The following NOCT variants were observed in gnomAD, a reference collection of about 807,000 sequenced individuals.
The protein encoded by NOCT is nocturnin.
In NOCT, 18 loss-of-function variants were observed where a neutral mutation model predicts 35.0. That is an observed-to-expected ratio of 0.51 (90% confidence interval 0.36 to 0.76). NOCT has a LOEUF of 0.76. Ranked by LOEUF, NOCT falls within the 30% of genes least tolerant of loss-of-function variation. The pLI is 0.01. For missense variants in NOCT, 479 were observed against 541.0 expected (o/e 0.89, Z 1.14); for synonymous variants, 235 against 226.3 (o/e 1.04, Z -0.34).
chr4:139,042,087 T>TTG, intron 1 of NOCT, among the ~76,000 whole-genome samples: 1 of 149,420 alleles, frequency 6.7e-6, no homozygotes, highest in South Asian at 2.2e-4. Flanking sequence ...TTTTTTTTTT[T>TTG]TTTTGAGTCT....
chr4:139,041,769 TA>T (rs1169079463), intron 1 of NOCT, among the ~76,000 whole-genome samples: 3 of 152,218 alleles, frequency 2.0e-5, no homozygotes, highest in African/African-American at 7.2e-5. Context: ...CAGCTTACTC[TA>T]AGCCCTTCTG....
intron 1 of NOCT, among the ~76,000 whole-genome samples, chr4:139,030,914 G>A (rs900444409): frequency 4.6e-5 from 7 of 152,170 alleles, no homozygotes; most frequent in East Asian, 1.9e-4. Context: ...TTCCTCGGGC[G>A]GAGGTTGATC....
intron 1 of NOCT, among the ~76,000 whole-genome samples, chr4:139,021,070 CA>C (rs942925444): frequency 0.039 from 2,187 of 55,650 alleles, 20 homozygotes; most frequent in African/African-American, 0.096. Flanking sequence ...TACTCTGTCT[CA>C]AAAAAAAAAA....
chr4:139,034,425 T>A (rs887336781), intron 1 of NOCT, among the ~76,000 whole-genome samples: 2 of 152,268 alleles, frequency 1.3e-5, no homozygotes. Context: ...GTTTACAAAT[T>A]TAAATAAATA....
At chr4:139,017,297 G>A (rs189911269) in intron 1 of NOCT, among the ~76,000 whole-genome samples, 2,392 of 141,180 alleles carry the variant, frequency 0.017, 68 homozygotes, top group East Asian at 0.11. Context: ...GCGCGATCTC[G>A]GCTCACCGCA....
At position 139,045,291 on chromosome 4, in the gene NOCT, G is replaced by A. The variant is rs150993247; in HGVS notation, c.1113G>A (p.Glu371=). The change falls in exon 3 of 3, where the codon GAG becomes GAA. Residue 371 remains glutamate (E), a synonymous_variant. Transcript: ENST00000280614. ...YTTWKIRTSG[E]CRHTLDYIWY... The stretch of plus-strand genomic sequence containing the variant: ...CCTGGAAGATCCGGACCTCAGGGGA[G>A]TGCAGGCACACCCTGGATTACATCT... 200 of 1,614,120 alleles carry A rather than the reference G, an allele frequency of 1.2e-4. No homozygotes were observed. In the African/African-American group the frequency reaches 1.9e-3, roughly 16 times the overall value.
At chr4:139,018,996 G>T (rs1302408638) in intron 1 of NOCT, among the ~76,000 whole-genome samples, 1 of 152,202 alleles carries the variant, frequency 6.6e-6, no homozygotes, top group Non-Finnish European at 1.5e-5. Flanking sequence ...TTGCAAAAAT[G>T]GACATTGTTT....
At chr4:139,021,819 C>T (rs1256807242) in intron 1 of NOCT, among the ~76,000 whole-genome samples, 1 of 149,352 alleles carries the variant, frequency 6.7e-6, no homozygotes, top group South Asian at 2.1e-4. Flanking sequence ...AGTGCAGTGG[C>T]GCAATCTTGG....
chr4:139,025,633 T>C (rs1042566126), intron 1 of NOCT, among the ~76,000 whole-genome samples: 1 of 152,098 alleles, frequency 6.6e-6, no homozygotes, highest in Non-Finnish European at 1.5e-5. Flanking sequence ...AAACCCTGTC[T>C]CTACTAAAAA....
chr4:139,016,641 GTTTTTTTTTTTTTTTTTT>G (rs10541748), intron 1 of NOCT, among the ~76,000 whole-genome samples: 1 of 53,788 alleles, frequency 1.9e-5, no homozygotes, highest in Non-Finnish European at 3.2e-5. Context: ...GTTTTACGTT[GTTTTTTTTTTTTTTTTTT>G]TTTTTTTTTT....
intron 1 of NOCT, 142 bp from the exon 2 acceptor site, chr4:139,042,932 A>G (rs1373734121): frequency 5.7e-6 from 4 of 700,468 alleles, no homozygotes; most frequent in Non-Finnish European, 8.8e-6. Context: ...AAAAAAAAGA[A>G]AAAAGAAATG....
Position 139,045,564 on chromosome 4 carries a change from T to G in NOCT, c.*90T>G. The stretch of plus-strand genomic sequence containing the variant: ...CAGAGTCTCGCTCTGTTGCCTAGGC[T>G]GGAGTACAGTGGCCTGATCTCGGCT... On this transcript the variant is annotated 3_prime_UTR_variant, in exon 3 of 3. Transcript: ENST00000280614. The G allele has an allele frequency of 4.4e-6, 3 of 680,136 alleles. No individual in the cohort carries two copies. The highest frequency in any genetic ancestry group is 4.6e-6 in the Non-Finnish European group (2 of 435,290). 42.1% of individuals were successfully genotyped at this position (680,136 alleles called of 1,614,324 possible).
intron 1 of NOCT, among the ~76,000 whole-genome samples, chr4:139,040,517 G>C (rs561555133): frequency 1.7e-4 from 26 of 152,082 alleles, no homozygotes; most frequent in Non-Finnish European, 3.8e-4. Flanking sequence ...TTGCTTTTCT[G>C]ATTTCACGTA....
chr4:139,022,001 C>T (rs1446879193), intron 1 of NOCT, among the ~76,000 whole-genome samples: 4 of 152,134 alleles, frequency 2.6e-5, no homozygotes, highest in Non-Finnish European at 5.9e-5. Context: ...TCAGGTGATA[C>T]ACCCGCCTTG....
At chr4:139,037,082 G>A (rs1726749262) in intron 1 of NOCT, among the ~76,000 whole-genome samples, 2 of 152,208 alleles carry the variant, frequency 1.3e-5, no homozygotes, top group Non-Finnish European at 2.9e-5. Context: ...CTTGTCCTAT[G>A]TCATGTTGTG....
At chr4:139,025,947 GT>G (rs1726505330) in intron 1 of NOCT, among the ~76,000 whole-genome samples, 3 of 151,904 alleles carry the variant, frequency 2.0e-5, no homozygotes, top group Non-Finnish European at 2.9e-5. Flanking sequence ...TTTTTAATAT[GT>G]GCCTTAACTA....
At chr4:139,035,582 T>C (rs886951721) in intron 1 of NOCT, among the ~76,000 whole-genome samples, 3 of 152,234 alleles carry the variant, frequency 2.0e-5, no homozygotes, top group Non-Finnish European at 4.4e-5. Flanking sequence ...TAGATTATTG[T>C]ACATTTCCTC....
intron 1 of NOCT, among the ~76,000 whole-genome samples, chr4:139,036,941 T>TC (rs373393232): frequency 1.4e-4 from 21 of 151,766 alleles, no homozygotes; most frequent in African/African-American, 5.1e-4. Flanking sequence ...CACAGGGGAG[T>TC]CCATCAGTAA....
In NOCT at chr4:139,016,074, G is replaced by C; in HGVS notation, c.93G>C (p.Pro31=). ...TGCCCGCCCCAGGGCTGCGCCGCCC[G>C]TTGTCCCCGCCGGCTGCTGTTCCCA... ...RRLPAPGLRR[P]LSPPAAVPRP... The change falls in exon 1 of 3, where the codon CCG becomes CCC. Residue 31 remains proline, a synonymous_variant. Transcript: ENST00000280614. 7.2e-7 allele frequency: 1 copy of C among 1,389,404 alleles called. No homozygotes were observed. The allele number at this position is 1,389,404 out of a possible 1,614,324, so 86.1% of individuals were successfully genotyped here.
Sources: gnomAD v4.1 joint callset for allele counts (sites outside exome capture counted in the v4.1 genomes callset) on GRCh38, gnomAD v4.1.1 for gene constraint, MANE v1.5 for transcripts, NCBI Gene and HGNC (gene_info 2026-07-23, HGNC 2026-07-21) for gene names.